Variants in MGME1 observed in about 807,000 individuals in gnomAD.
MGME1 encodes mitochondrial genome maintenance exonuclease 1, also known as chromosome 20 open reading frame 72.
MGME1 carries 22 observed loss-of-function variants against 33.0 expected under a neutral mutation model. The observed-to-expected ratio is 0.67, with a 90% CI of 0.48 to 0.95. MGME1 has a LOEUF of 0.95. Among genes scored for constraint, MGME1 ranks in the 40% least tolerant of loss-of-function variants. The pLI, the probability that MGME1 is intolerant of heterozygous loss-of-function variation, is 0.00. For missense variants in MGME1, 383 were observed against 397.8 expected, an observed-to-expected ratio of 0.96 and a Z score of 0.32; for synonymous variants, 133 against 144.0, an observed-to-expected ratio of 0.92 and a Z score of 0.55.
rs1241644330 is a variant in MGME1 at position 17,991,063 on chromosome 20, C to T, written c.*954C>T. 6.6e-6 allele frequency: 1 copy of T among 152,184 alleles called. No homozygotes were observed. The allele number at this position is 152,184 out of a possible 1,614,324, so 9.4% of individuals were successfully genotyped here. On this transcript the variant is annotated 3_prime_UTR_variant, in exon 5 of 5. Transcript: ENST00000377710. ...GCTGCCTTAAAATAGTAGCCTGCTA[C>T]AATGACTTCTTTGGGTAGCCATTTT... is the stretch of plus-strand genomic sequence containing the variant.
At chr20:17,983,267 T>TTGTGTGTGTGTGTGTGTGTGTGTGTGTG (rs1555791107) in intron 3 of MGME1, among the ~76,000 whole-genome samples, 2 of 142,578 alleles carry the variant, frequency 1.4e-5, no homozygotes, top group African/African-American at 5.2e-5. Context: ...TAGTGTTCTA[T>TTGTGTGTGTGTGTGTGTGTGTGTGTGTG]TGTGTGTGTG....
At chr20:17,978,543 T>C (rs1234058468) in intron 3 of MGME1, among the ~76,000 whole-genome samples, 1 of 151,982 alleles carries the variant, frequency 6.6e-6, no homozygotes, top group Non-Finnish European at 1.5e-5. Flanking sequence ...CTGCGTCATA[T>C]CTGAGAAGAG....
chr20:17,983,658 A>T (rs751804172), intron 3 of MGME1, among the ~76,000 whole-genome samples: 2 of 152,206 alleles, frequency 1.3e-5, no homozygotes, highest in Non-Finnish European at 1.5e-5. Context: ...AGGTAATAAT[A>T]GCCCAGTGTG....
chr20:17,975,159 T>G (rs568534824), intron 2 of MGME1, among the ~76,000 whole-genome samples: 1 of 152,208 alleles, frequency 6.6e-6, no homozygotes, highest in Admixed American at 6.5e-5. Flanking sequence ...TTTAATTCAT[T>G]TTATTACCTA....
Position 17,991,069 on chromosome 20 carries a change from C to T in MGME1, c.*960C>T. 6.6e-6 allele frequency: 1 copy of T among 152,166 alleles called. No individual in the cohort carries two copies. Among genetic ancestry groups the T allele is most frequent in the African/African-American group, 2.4e-5 (1 of 41,444 alleles). The allele number at this position is 152,166 out of a possible 1,614,324, so 9.4% of individuals were successfully genotyped here. On this transcript the variant is annotated 3_prime_UTR_variant, in exon 5 of 5. Coordinates refer to ENST00000377710, the MANE Select transcript of MGME1 (RefSeq NM_052865.4). ...TTAAAATAGTAGCCTGCTACAATGA[C>T]TTCTTTGGGTAGCCATTTTCATAAG...
chr20:17,986,800 A>G (rs1180260352), intron 3 of MGME1, among the ~76,000 whole-genome samples: 2 of 152,088 alleles, frequency 1.3e-5, no homozygotes, highest in Non-Finnish European at 2.9e-5. Context: ...TCTTTCATCA[A>G]TATTTTATAG....
chr20:17,990,339 T>G lies in MGME1; in HGVS notation c.*230T>G. The G allele has an allele frequency of 2.0e-6, 1 of 498,950 alleles. No individual in the cohort carries two copies. Among genetic ancestry groups the G allele is most frequent in the Non-Finnish European group, 3.6e-6 (1 of 276,374 alleles). The allele number at this position is 498,950 out of a possible 1,614,324, so 30.9% of individuals were successfully genotyped here. A position where few individuals can be genotyped will look rare whatever the true frequency, so the allele number is the denominator to read the frequency against. ...GCGAAATCCCAGCTATGCTACCTCT[T>G]ATTTACCTGAAAGGAGGACACGCAG... On this transcript the variant is annotated 3_prime_UTR_variant, in exon 5 of 5. Transcript: ENST00000377710.
chr20:17,989,399 A>T (rs1254127603), intron 4 of MGME1, among the ~76,000 whole-genome samples: 1 of 147,716 alleles, frequency 6.8e-6, no homozygotes, highest in Non-Finnish European at 1.5e-5. Flanking sequence ...AAATAAATAA[A>T]TAAATAAATA....
At chr20:17,969,657 A>G (rs1286339135) in intron 1 of MGME1, 144 bp from the exon 2 acceptor site, 1 of 533,522 alleles carries the variant, frequency 1.9e-6, no homozygotes, top group African/African-American at 1.9e-5. Context: ...ATTTATTTAT[A>G]AATTTTTTTT....
chr20:17,976,240 C>T (rs978375153), intron 3 of MGME1, among the ~76,000 whole-genome samples: 2 of 152,174 alleles, frequency 1.3e-5, no homozygotes, highest in Non-Finnish European at 2.9e-5. Flanking sequence ...TCTCCTGCCT[C>T]AGCCTCCTGA....
chr20:17,977,038 C>G (rs2035887345), intron 3 of MGME1, among the ~76,000 whole-genome samples: 1 of 152,014 alleles, frequency 6.6e-6, no homozygotes, highest in Non-Finnish European at 1.5e-5. Context: ...GAAAGGGGTC[C>G]TGATCCAGAC....
At chr20:17,970,455 TG>T in intron 2 of MGME1, 85 bp downstream of exon 2, 1 of 1,443,912 alleles carries the variant, frequency 6.9e-7, no homozygotes, top group Non-Finnish European at 9.3e-7. Context: ...GGTTTGGTTT[TG>T]TTTTTTTAAC....
At chr20:17,988,462 T>G (rs2036209240) in intron 4 of MGME1, among the ~76,000 whole-genome samples, 164 bp downstream of exon 4, 1 of 151,964 alleles carries the variant, frequency 6.6e-6, no homozygotes, top group African/African-American at 2.4e-5. Flanking sequence ...GCCAATATGG[T>G]GAAACCCTGT....
chr20:17,988,333 C>T (rs766001991), intron 4 of MGME1, 35 bp downstream of exon 4: 113 of 1,602,428 alleles, frequency 7.1e-5, no homozygotes, highest in South Asian at 2.6e-4. Context: ...AAGCTTTGCT[C>T]AATGCTTACT....
At chr20:17,982,194 C>T (rs1476722522) in intron 3 of MGME1, among the ~76,000 whole-genome samples, 3 of 152,238 alleles carry the variant, frequency 2.0e-5, no homozygotes. Flanking sequence ...AATGGTGCGG[C>T]ACCGCAACTT....
chr20:17,970,171 C>T lies in MGME1; in HGVS notation c.312C>T (p.Phe104=), dbSNP rs770987146. 1 of 1,614,194 alleles carries T rather than the reference C, an allele frequency of 6.2e-7. No homozygotes were observed. The highest frequency in any genetic ancestry group is 1.1e-5 in the South Asian group (1 of 91,082). ...RRVPQNWFPI[F]NPERSDKPNA... ...TGCCACAAAACTGGTTTCCTATCTT[C>T]AATCCAGAGAGAAGTGATAAACCAA... is the stretch of plus-strand genomic sequence containing the variant. Residue 104 remains phenylalanine (F), a synonymous_variant, in exon 2 of 5, where the codon TTC becomes TTT. Coordinates refer to ENST00000377710, the MANE Select transcript of MGME1 (RefSeq NM_052865.4).
intron 4 of MGME1, among the ~76,000 whole-genome samples, chr20:17,988,530 T>A (rs2036210267): frequency 6.6e-6 from 1 of 151,874 alleles, no homozygotes; most frequent in Admixed American, 6.6e-5. Flanking sequence ...TAATCCCAGC[T>A]ATTCTAGTAG....
rs187455366 is a variant in MGME1 at position 17,978,603 on chromosome 20, C to G, written c.731+2700C>G. ...GACTTTGGTTGCCTTTTAGATAAACCAAGGAAGCCATACAGTCACCTCCAC... is the reference window on the plus strand; with the variant it reads ...GACTTTGGTTGCCTTTTAGATAAACGAAGGAAGCCATACAGTCACCTCCAC... On this transcript the variant is annotated intron_variant, in intron 3 of 4. Transcript: ENST00000377710. Among the ~76,000 whole-genome samples, 14 of 152,188 alleles carry G rather than the reference C, an allele frequency of 9.2e-5. No homozygotes were observed. The East Asian group carries it at 2.7e-3, about 29-fold the overall frequency.
intron 3 of MGME1, among the ~76,000 whole-genome samples, chr20:17,976,667 G>A (rs766478558): frequency 2.6e-4 from 40 of 151,592 alleles, no homozygotes; most frequent in Non-Finnish European, 4.9e-4. Context: ...GTTTTGTTTC[G>A]TTTTGTTTTT....
Sources: allele counts gnomAD v4.1 joint callset (sites outside exome capture counted in the v4.1 genomes callset), GRCh38; gene constraint gnomAD v4.1.1; transcripts MANE v1.5; gene names NCBI Gene and HGNC (gene_info 2026-07-23, HGNC 2026-07-21).